SRRM4: variants seen among roughly 807,000 people sequenced by gnomAD.
SRRM4 encodes the protein serine/arginine repetitive matrix 4.
In SRRM4, 33 loss-of-function variants were observed where a neutral mutation model predicts 68.9. That is an observed-to-expected ratio of 0.48 (90% CI 0.36 to 0.64). The LOEUF (loss-of-function observed/expected upper bound fraction) is 0.64, where lower values mean the gene tolerates loss of function less well. SRRM4 is among the 30% of genes least tolerant of loss of function. SRRM4 has a pLI of 0.00. For synonymous variants in SRRM4, 318 were observed against 318.8 expected (o/e 1.00, Z 0.03); for missense variants, 817 against 827.1 (o/e 0.99, Z 0.15).
At chr12:119,151,505 A>G (rs1954439098) in intron 10 of SRRM4, among the ~76,000 whole-genome samples, 1 of 152,228 alleles carries the variant, frequency 6.6e-6, no homozygotes, top group Admixed American at 6.5e-5. Context: ...ATCAGTTATT[A>G]TTGCTGCTAT....
intron 2 of SRRM4, among the ~76,000 whole-genome samples, chr12:119,103,088 C>CA (rs201623953): frequency 0.04 from 5,972 of 148,634 alleles, 132 homozygotes; most frequent in African/African-American, 0.056. Flanking sequence ...TACTGAAAAA[C>CA]AAAAAAAAAA....
At chr12:119,125,551 C>A (rs1260833270) in intron 7 of SRRM4, 72 bp downstream of exon 7, 6 of 1,337,030 alleles carry the variant, frequency 4.5e-6, no homozygotes, top group Non-Finnish European at 6.4e-6. Context: ...TTAACACTAG[C>A]TTCGCCTCCA....
At chr12:119,149,422 T>C in intron 9 of SRRM4, among the ~76,000 whole-genome samples, 1 of 152,138 alleles carries the variant, frequency 6.6e-6, no homozygotes, top group Admixed American at 6.5e-5. Context: ...CTCAGAACAT[T>C]GAAAAGGTCC....
chr12:118,994,344 G>A lies in SRRM4; in HGVS notation c.131+12331G>A, dbSNP rs115862275. 6.0e-3 allele frequency among the ~76,000 whole-genome samples: 918 copies of A among 152,212 alleles called. 9 individuals are homozygous for A. Among genetic ancestry groups the A allele is most frequent in the African/African-American group, 0.021 (865 of 41,514 alleles). The stretch of plus-strand genomic sequence containing the variant: ...TCAGGAGCTAGAGGCTATGGTCTAA[G>A]TGCTCCTAGATGCTTTTAATGTTTT... On this transcript the variant is annotated intron_variant, in intron 1 of 12. Coordinates refer to ENST00000267260, the MANE Select transcript of SRRM4 (RefSeq NM_194286.4).
chr12:119,132,827 T>C (rs966333191), intron 8 of SRRM4, among the ~76,000 whole-genome samples: 1 of 152,158 alleles, frequency 6.6e-6, no homozygotes, highest in Non-Finnish European at 1.5e-5. Flanking sequence ...AAGGAAATGA[T>C]TCACATGGGC....
intron 1 of SRRM4, among the ~76,000 whole-genome samples, chr12:119,087,711 T>C (rs1036045290): frequency 2.0e-5 from 3 of 152,010 alleles, no homozygotes; most frequent in Non-Finnish European, 2.9e-5. Context: ...GCAGTCAGCA[T>C]GGGGGATGCA....
chr12:119,088,466 T>C (rs1019439338), intron 1 of SRRM4, among the ~76,000 whole-genome samples: 2 of 152,218 alleles, frequency 1.3e-5, no homozygotes, highest in African/African-American at 4.8e-5. Context: ...ATGATAATTA[T>C]AATAATAAAA....
chr12:119,140,867 C>G (rs1036189149), intron 8 of SRRM4, among the ~76,000 whole-genome samples: 26 of 152,250 alleles, frequency 1.7e-4, no homozygotes, highest in African/African-American at 6.3e-4. Flanking sequence ...TGCCAGGGGT[C>G]TGGACCTCAA....
At chr12:118,982,684 T>TG (rs1565882791) in intron 1 of SRRM4, among the ~76,000 whole-genome samples, 42 of 118,298 alleles carry the variant, frequency 3.6e-4, no homozygotes, top group African/African-American at 1.3e-3. Flanking sequence ...TTTTTGTTTT[T>TG]TTTTTTTTTT....
chr12:118,983,814 A>G (rs1201730420), intron 1 of SRRM4, among the ~76,000 whole-genome samples: 1 of 152,150 alleles, frequency 6.6e-6, no homozygotes, highest in Non-Finnish European at 1.5e-5. Context: ...AATCACATGA[A>G]TGGCCCACAA....
chr12:119,122,124 A>C lies in SRRM4; in HGVS notation c.515+4A>C. Reference sequence around the variant, plus strand: ...ATGAGAAGAGGCACAAGAAACAGTAAGTAGATACTACCTGGAATGTACTCA... The same window carrying C: ...ATGAGAAGAGGCACAAGAAACAGTACGTAGATACTACCTGGAATGTACTCA... On this transcript the variant is annotated splice_donor_region_variant and intron_variant, in intron 6 of 12. Transcript: ENST00000267260. 6.2e-7 allele frequency: 1 copy of C among 1,600,550 alleles called. No individual in the cohort carries two copies. The highest frequency in any genetic ancestry group is 8.6e-7 in the Non-Finnish European group (1 of 1,167,592).
At chr12:119,070,613 A>G (rs1351227634) in intron 1 of SRRM4, among the ~76,000 whole-genome samples, 1 of 152,174 alleles carries the variant, frequency 6.6e-6, no homozygotes, top group Non-Finnish European at 1.5e-5. Flanking sequence ...AACTAAGGCC[A>G]AGAAGGTGGC....
chr12:119,104,612 T>G (rs2136043244), intron 2 of SRRM4, among the ~76,000 whole-genome samples: 1 of 152,112 alleles, frequency 6.6e-6, no homozygotes, highest in Non-Finnish European at 1.5e-5. Context: ...ACAGGTACCA[T>G]GTTTCTTCCC....
At chr12:119,093,858 A>C (rs1277913921) in intron 1 of SRRM4, among the ~76,000 whole-genome samples, 2 of 152,184 alleles carry the variant, frequency 1.3e-5, no homozygotes, top group African/African-American at 2.4e-5. Context: ...CAGCAGTTTT[A>C]TCTCTCATGA....
intron 1 of SRRM4, among the ~76,000 whole-genome samples, chr12:119,014,758 T>C (rs1345800765): frequency 2.0e-5 from 3 of 152,116 alleles, no homozygotes; most frequent in Non-Finnish European, 4.4e-5. Flanking sequence ...AGGGGATGGC[T>C]TTTTCTGCTT....
At chr12:119,026,394 G>A (rs1335559810) in intron 1 of SRRM4, among the ~76,000 whole-genome samples, 1 of 151,838 alleles carries the variant, frequency 6.6e-6, no homozygotes, top group Non-Finnish European at 1.5e-5. Context: ...TATGTGAGCG[G>A]TAAGAAAAAG....
chr12:119,065,499 G>A lies in SRRM4; in HGVS notation c.132-36737G>A, dbSNP rs1419084216. On this transcript the variant is annotated intron_variant, in intron 1 of 12. Transcript: ENST00000267260. The stretch of plus-strand genomic sequence containing the variant: ...TGCTTGTAATCCCAGCACTTTGGGA[G>A]GCTGAAGCGGGAAGATCACAAGGTC... Among the ~76,000 whole-genome samples the A allele has an allele frequency of 4.9e-4, 74 of 152,182 alleles. 1 individual carries two copies. Among genetic ancestry groups the A allele is most frequent in the Admixed American group, 4.8e-3 (74 of 15,270 alleles).
At chr12:119,087,635 T>C (rs1953987486) in intron 1 of SRRM4, among the ~76,000 whole-genome samples, 3 of 152,160 alleles carry the variant, frequency 2.0e-5, no homozygotes, top group African/African-American at 4.8e-5. Flanking sequence ...TGTCTCAGTC[T>C]ATAGACTGTG....
At chr12:119,147,352 A>T (rs1158356520) in intron 9 of SRRM4, among the ~76,000 whole-genome samples, 1 of 152,234 alleles carries the variant, frequency 6.6e-6, no homozygotes, top group East Asian at 1.9e-4. Context: ...TTTTAGGGCA[A>T]TGGAACTACT....
Sources: allele counts gnomAD v4.1 joint callset (sites outside exome capture counted in the v4.1 genomes callset), GRCh38; gene constraint gnomAD v4.1.1; transcripts MANE v1.5; gene names NCBI Gene and HGNC (gene_info 2026-07-23, HGNC 2026-07-21).